The following NLRP5 variants were observed in gnomAD, a reference collection of about 807,000 sequenced individuals.
NLRP5 encodes NACHT, LRR and PYD domains-containing protein 5.
NLRP5 carries 93 observed loss-of-function variants against 113.1 expected under a neutral mutation model. The ratio of observed to expected loss-of-function variants is 0.82; its 90% CI spans 0.70 to 0.98. The LOEUF is 0.98. Ranked by LOEUF, NLRP5 falls within the 50% of genes least tolerant of loss-of-function variation. NLRP5 has a pLI of 0.00. For synonymous variants in NLRP5, 751 were observed against 600.7 expected, an observed-to-expected ratio of 1.25 and a Z score of -3.66; for missense variants, 1,808 against 1,514.3, an observed-to-expected ratio of 1.19 and a Z score of -3.22.
chr19:56,023,247 T>C (rs1213056195), intron 6 of NLRP5, among the ~76,000 whole-genome samples: 1 of 152,164 alleles, frequency 6.6e-6, no homozygotes, highest in East Asian at 1.9e-4. Context: ...TCCTGGGGTT[T>C]CCCTCCCTCT....
chr19:56,021,025 C>T (rs539821858), intron 6 of NLRP5, among the ~76,000 whole-genome samples: 1 of 151,970 alleles, frequency 6.6e-6, no homozygotes, highest in African/African-American at 2.4e-5. Context: ...AGGCCTGCCA[C>T]CATGCCCGAC....
intron 6 of NLRP5, among the ~76,000 whole-genome samples, chr19:56,024,748 A>T (rs1000452598): frequency 2.7e-5 from 4 of 149,482 alleles, no homozygotes; most frequent in African/African-American, 1.0e-4. Flanking sequence ...ACAGACTGCA[A>T]CTGTGTCTCA....
intron 3 of NLRP5, among the ~76,000 whole-genome samples, chr19:56,012,932 A>G (rs1232809825): frequency 3.9e-5 from 6 of 152,172 alleles, no homozygotes; most frequent in Non-Finnish European, 8.8e-5. Context: ...TTCATATATC[A>G]TAAAATTCAT....
At chr19:55,989,586 G>A in the NLRP5 span, among the ~76,000 whole-genome samples, 1 of 152,076 alleles carries the variant, frequency 6.6e-6, no homozygotes, top group Non-Finnish European at 1.5e-5. Context: ...GCAGCAATAT[G>A]AGAAGGTGTG....
At chr19:56,030,714 C>CTTTTGTTTTTT (rs1983068119) in intron 7 of NLRP5, among the ~76,000 whole-genome samples, 1 of 71,350 alleles carries the variant, frequency 1.4e-5, no homozygotes, top group African/African-American at 7.2e-5. Context: ...CTTTCTTCTT[C>CTTTTGTTTTTT]TTTTTTTTTT....
chr19:56,023,080 G>T (rs1286299161), intron 6 of NLRP5, among the ~76,000 whole-genome samples: 1 of 152,200 alleles, frequency 6.6e-6, no homozygotes, highest in Non-Finnish European at 1.5e-5. Flanking sequence ...ACCCCTTAAA[G>T]GGGCGAGTTA....
chr19:55,999,436 G>A (rs936269541), upstream of NLRP5, among the ~76,000 whole-genome samples: 3 of 151,818 alleles, frequency 2.0e-5, no homozygotes, highest in African/African-American at 4.8e-5. Context: ...GGCTGGTCTC[G>A]ACCCCCTGAC....
the NLRP5 span, among the ~76,000 whole-genome samples, chr19:55,989,315 G>C: frequency 2.0e-5 from 3 of 152,158 alleles, no homozygotes; most frequent in African/African-American, 7.2e-5. Flanking sequence ...TAGTGCAATG[G>C]CTGGATCTCT....
chr19:56,027,529 C>T lies in NLRP5; in HGVS notation c.1296C>T (p.Ile432=), dbSNP rs34456029. 2.5e-6 allele frequency: 4 copies of T among 1,614,014 alleles called. No individual in the cohort carries two copies. The highest frequency in any genetic ancestry group is 3.4e-6 in the Non-Finnish European group (4 of 1,179,890). The stretch of plus-strand genomic sequence containing the variant: ...CCCGTTACCTGTTAGTTAGAGGAAT[C>T]TCCGGGGAACAAAGAATCCACTTGC... Residue 432 remains isoleucine (I), a synonymous_variant, in exon 7 of 15, where the codon ATC becomes ATT. Coordinates refer to ENST00000390649, the MANE Select transcript of NLRP5 (RefSeq NM_153447.4).
At position 56,061,701 on chromosome 19, in the gene NLRP5, T is replaced by C. The variant is rs1984361701; in HGVS notation, c.*173T>C. 1 of 712,754 alleles carries C rather than the reference T, an allele frequency of 1.4e-6. No homozygotes were observed. The highest frequency in any genetic ancestry group is 2.3e-6 in the Non-Finnish European group (1 of 431,350). The allele number at this position is 712,754 out of a possible 1,614,324, so 44.2% of individuals were successfully genotyped here. A position where few individuals can be genotyped will look rare whatever the true frequency, so the allele number is the denominator to read the frequency against. Reference sequence around the variant, plus strand: ...TCTGTGTTCACTCTACGTTGGTTACTGGATTTGAAGGCTAGAGACCTTCAA... The same window carrying C: ...TCTGTGTTCACTCTACGTTGGTTACCGGATTTGAAGGCTAGAGACCTTCAA... On this transcript the variant is annotated 3_prime_UTR_variant, in exon 15 of 15. Transcript: ENST00000390649.
At chr19:56,020,874 A>G (rs1448107509) in intron 6 of NLRP5, among the ~76,000 whole-genome samples, 4 of 137,552 alleles carry the variant, frequency 2.9e-5, no homozygotes, top group African/African-American at 1.1e-4. Flanking sequence ...CCTTCGTGGC[A>G]TTTTTTTTTT....
intron 9 of NLRP5, 127 bp from the exon 10 acceptor site, chr19:56,037,898 G>T: frequency 1.1e-6 from 1 of 907,314 alleles, no homozygotes; most frequent in Non-Finnish European, 1.7e-6. Flanking sequence ...TCTCAGGCCC[G>T]GAGGCAGGAG....
At chr19:56,042,606 G>A (rs940930683) in intron 11 of NLRP5, among the ~76,000 whole-genome samples, 2 of 139,648 alleles carry the variant, frequency 1.4e-5, no homozygotes, top group Non-Finnish European at 3.2e-5. Context: ...GCCTCCCAGA[G>A]TGCTGGGATT....
At chr19:56,050,743 G>T (rs1019324820) in intron 12 of NLRP5, among the ~76,000 whole-genome samples, 155 bp downstream of exon 12, 1 of 152,198 alleles carries the variant, frequency 6.6e-6, no homozygotes, top group Non-Finnish European at 1.5e-5. Flanking sequence ...AAACTGAGGT[G>T]TTGACACCAC....
At chr19:56,038,364 C>G (rs541781018) in intron 10 of NLRP5, among the ~76,000 whole-genome samples, 169 bp downstream of exon 10, 13 of 152,252 alleles carry the variant, frequency 8.5e-5, no homozygotes, top group African/African-American at 3.1e-4. Flanking sequence ...TAAGAGTGAC[C>G]TGAAAAACAT....
At chr19:56,015,718 ATTC>A (rs752686990) in intron 3 of NLRP5, 21 bp from the exon 4 acceptor site, 2 of 1,548,726 alleles carry the variant, frequency 1.3e-6, no homozygotes, top group South Asian at 2.4e-5. Context: ...GTTTGTGTTT[ATTC>A]TTCTCCCTTC....
intron 4 of NLRP5, among the ~76,000 whole-genome samples, chr19:56,017,549 T>C (rs918048969): frequency 1.3e-5 from 2 of 152,234 alleles, no homozygotes; most frequent in Non-Finnish European, 2.9e-5. Context: ...GTGGCTTCAC[T>C]TCCATATATT....
rs1982570425 is a variant in NLRP5 at position 56,020,405 on chromosome 19, C to T, written c.653C>T (p.Ala218Val). The T allele has an allele frequency of 1.2e-6, 2 of 1,613,248 alleles. No individual in the cohort carries two copies. Among genetic ancestry groups the T allele is most frequent in the Admixed American group, 1.7e-5 (1 of 59,908 alleles). The change falls in exon 6 of 15, where the codon GCC (alanine) becomes GTC (valine). Residue 218 changes from alanine (A) to valine (V), a missense_variant. Physicochemically the swap from Ala to Val is moderately conservative, Grantham distance 64. Coordinates refer to ENST00000390649, the MANE Select transcript of NLRP5 (RefSeq NM_153447.4). ...TCACAAGCTATGGAACAAGAAGGTG[C>T]CACAGCAGCAGAGACAGAAGAACAA...
chr19:56,020,684 G>A (rs1020781225), intron 6 of NLRP5, among the ~76,000 whole-genome samples: 16 of 150,166 alleles, frequency 1.1e-4, no homozygotes, highest in African/African-American at 3.9e-4. Flanking sequence ...TAGGGGACTC[G>A]AATCAATCAC....
Sources: allele counts gnomAD v4.1 joint callset (sites outside exome capture counted in the v4.1 genomes callset), GRCh38; gene constraint gnomAD v4.1.1; transcripts MANE v1.5; gene names NCBI Gene and HGNC (gene_info 2026-07-23, HGNC 2026-07-21).